The following TMEM196 variants were observed in gnomAD, a reference collection of about 807,000 sequenced individuals.
The protein encoded by TMEM196 is transmembrane protein 196.
In TMEM196, 17 loss-of-function variants were observed where a neutral mutation model predicts 20.0. The observed-to-expected ratio is 0.85, with a 90% CI of 0.58 to 1.27. The LOEUF is 1.27. TMEM196 is among the 50% of genes most tolerant of loss of function. The pLI, the probability that TMEM196 is intolerant of heterozygous loss-of-function variation, is 0.00. For missense variants in TMEM196, 267 were observed against 223.0 expected (o/e 1.20, Z -1.26); for synonymous variants, 113 against 88.9 (o/e 1.27, Z -1.52).
intron 2 of TMEM196, among the ~76,000 whole-genome samples, chr7:19,729,059 T>A (rs1784098867): frequency 6.6e-6 from 1 of 152,210 alleles, no homozygotes; most frequent in African/African-American, 2.4e-5. Flanking sequence ...TTGAGCTTAC[T>A]GAAGGATTCA....
chr7:19,736,906 G>A (rs2128020936), intron 1 of TMEM196, among the ~76,000 whole-genome samples: 1 of 151,980 alleles, frequency 6.6e-6, no homozygotes, highest in Non-Finnish European at 1.5e-5. Flanking sequence ...TTTTCCCCAA[G>A]TCTCTAATCT....
intron 1 of TMEM196, among the ~76,000 whole-genome samples, chr7:19,749,146 CT>C (rs1784868011): frequency 6.6e-6 from 1 of 151,964 alleles, no homozygotes; most frequent in Non-Finnish European, 1.5e-5. Context: ...GAAATTTGTC[CT>C]GATCACTTTA....
In TMEM196 at chr7:19,731,032, T is replaced by C. The variant is rs552716606; in HGVS notation, c.148-1594A>G. On this transcript the variant is annotated intron_variant, in intron 1 of 4. Coordinates refer to ENST00000405844, the MANE Select transcript of TMEM196 (RefSeq NM_001363562.2). ...CATTGGGAGACAACAAAGTTAAATA[T>C]TTATATAATTTTAGAGGACTGGAAA... Among the ~76,000 whole-genome samples the C allele has an allele frequency of 7.9e-5, 12 of 152,244 alleles. No homozygotes were observed. The South Asian group carries it at 2.3e-3, about 29-fold the overall frequency.
intron 2 of TMEM196, among the ~76,000 whole-genome samples, chr7:19,726,731 A>G (rs1021107637): frequency 1.3e-5 from 2 of 152,126 alleles, no homozygotes; most frequent in African/African-American, 4.8e-5. Context: ...AATAAATTTA[A>G]TTAACTAGTC....
Position 19,765,885 on chromosome 7 carries a change from T to C in TMEM196, c.147+6665A>G, listed in dbSNP as rs137952826. Among the ~76,000 whole-genome samples, 369 of 152,086 alleles carry C rather than the reference T, an allele frequency of 2.4e-3. 2 individuals carry two copies. The highest frequency in any genetic ancestry group is 8.5e-3 in the African/African-American group (353 of 41,486). On this transcript the variant is annotated intron_variant, in intron 1 of 4. Coordinates refer to ENST00000405844, the MANE Select transcript of TMEM196 (RefSeq NM_001363562.2). Reference sequence around the variant, plus strand: ...TCAGGAACAACGAAAACAAAAAGAATGGGTCAAACTAGGGTTGATGAAAGG... The same window carrying C: ...TCAGGAACAACGAAAACAAAAAGAACGGGTCAAACTAGGGTTGATGAAAGG...
At position 19,720,550 on chromosome 7, in the gene TMEM196, GTTATGTAT is replaced by G. The variant is rs1006540088; in HGVS notation, c.*1570_*1577del. On this transcript the variant is annotated 3_prime_UTR_variant, in exon 5 of 5. Transcript: ENST00000405844. The stretch of plus-strand genomic sequence containing the variant: ...AAGAAAAGTATACAATATAGTGAGA[GTTATGTAT>G]TTAAAAATGATAGATTTCTTTGTCT... The G allele has an allele frequency of 1.3e-5, 2 of 151,812 alleles. No homozygotes were observed. Among genetic ancestry groups the G allele is most frequent in the African/African-American group, 4.8e-5 (2 of 41,378 alleles). The allele number at this position is 151,812 out of a possible 1,614,324, so 9.4% of individuals were successfully genotyped here.
chr7:19,748,323 A>AGCT (rs1364936958), intron 1 of TMEM196, among the ~76,000 whole-genome samples: 1 of 149,516 alleles, frequency 6.7e-6, no homozygotes, highest in African/African-American at 2.4e-5. Flanking sequence ...AAAGAATGAG[A>AGCT]GCTTATCAAA....
At chr7:19,736,759 G>A (rs1562612558) in intron 1 of TMEM196, among the ~76,000 whole-genome samples, 1 of 151,936 alleles carries the variant, frequency 6.6e-6, no homozygotes, top group Non-Finnish European at 1.5e-5. Flanking sequence ...CTTCAAGGGA[G>A]AAACATGGAG....
chr7:19,754,823 C>T (rs961169815), intron 1 of TMEM196, among the ~76,000 whole-genome samples: 1 of 152,186 alleles, frequency 6.6e-6, no homozygotes, highest in East Asian at 1.9e-4. Context: ...GAATCTCTCC[C>T]AGCTCTGACA....
intron 4 of TMEM196, 72 bp downstream of exon 4, chr7:19,724,208 A>G: frequency 7.5e-7 from 1 of 1,341,402 alleles, no homozygotes; most frequent in Non-Finnish European, 1.0e-6. Context: ...TGTTGACATC[A>G]TGGCTTTCTG....
chr7:19,748,353 T>A (rs1026997125), intron 1 of TMEM196, among the ~76,000 whole-genome samples: 1 of 149,846 alleles, frequency 6.7e-6, no homozygotes, highest in Non-Finnish European at 1.5e-5. Context: ...GAAGAGACAT[T>A]ATAATCATTG....
At chr7:19,733,196 G>T (rs1784274824) in intron 1 of TMEM196, among the ~76,000 whole-genome samples, 1 of 152,206 alleles carries the variant, frequency 6.6e-6, no homozygotes, top group Non-Finnish European at 1.5e-5. Flanking sequence ...CTAAGATTGT[G>T]ACGTGTTGGA....
intron 1 of TMEM196, among the ~76,000 whole-genome samples, chr7:19,766,132 G>C (rs1233564675): frequency 2.6e-5 from 4 of 152,146 alleles, no homozygotes; most frequent in African/African-American, 9.7e-5. Context: ...GGAATAATGA[G>C]ACTGTGATTT....
At chr7:19,760,867 C>T (rs1017334555) in intron 1 of TMEM196, among the ~76,000 whole-genome samples, 1 of 152,044 alleles carries the variant, frequency 6.6e-6, no homozygotes, top group Non-Finnish European at 1.5e-5. Context: ...GAAAGAGAAC[C>T]GAGGAGAGTA....
intron 1 of TMEM196, among the ~76,000 whole-genome samples, chr7:19,767,780 A>C (rs1014802495): frequency 1.3e-5 from 2 of 152,042 alleles, no homozygotes; most frequent in Non-Finnish European, 2.9e-5. Flanking sequence ...GGGAGAAAAA[A>C]TGATGTATTA....
At chr7:19,759,919 T>C (rs1364833212) in intron 1 of TMEM196, among the ~76,000 whole-genome samples, 2 of 152,192 alleles carry the variant, frequency 1.3e-5, no homozygotes, top group African/African-American at 4.8e-5. Context: ...ACCTGTGACT[T>C]CCTGTGTGAC....
intron 1 of TMEM196, among the ~76,000 whole-genome samples, chr7:19,763,714 C>T (rs552553439): frequency 6.6e-6 from 1 of 152,160 alleles, no homozygotes; most frequent in Non-Finnish European, 1.5e-5. Flanking sequence ...AGAAACCACA[C>T]ACAGATTATA....
At chr7:19,751,037 A>G (rs568840376) in intron 1 of TMEM196, among the ~76,000 whole-genome samples, 12 of 152,338 alleles carry the variant, frequency 7.9e-5, no homozygotes, top group Non-Finnish European at 1.3e-4. Flanking sequence ...AAAGGATGTC[A>G]TGATTATTTT....
intron 1 of TMEM196, among the ~76,000 whole-genome samples, chr7:19,758,799 G>C (rs747105964): frequency 3.9e-5 from 6 of 152,144 alleles, no homozygotes; most frequent in Non-Finnish European, 8.8e-5. Context: ...AGCTGTCCAA[G>C]ACTCGTATCT....
Sources: allele counts gnomAD v4.1 joint callset (sites outside exome capture counted in the v4.1 genomes callset), GRCh38; gene constraint gnomAD v4.1.1; transcripts MANE v1.5; gene names NCBI Gene and HGNC (gene_info 2026-07-23, HGNC 2026-07-21).